TET2: variants seen among roughly 807,000 people sequenced by gnomAD.
The protein encoded by TET2 is methylcytosine dioxygenase TET2.
In TET2, 299 loss-of-function variants were observed where a neutral mutation model predicts 142.9. The ratio of observed to expected loss-of-function variants is 2.09; its 90% CI spans 1.90 to 2.30. The LOEUF (loss-of-function observed/expected upper bound fraction) is 2.30, where lower values mean the gene tolerates loss of function less well. Among genes scored for constraint, TET2 ranks in the 30% most tolerant of loss-of-function variants. TET2 has a pLI of 0.00. For missense variants in TET2, 2,418 were observed against 2,378.0 expected (o/e 1.02, Z -0.35); for synonymous variants, 819 against 849.0 (o/e 0.96, Z 0.61).
chr4:105,170,748 G>A (rs1023119380), intron 1 of TET2, among the ~76,000 whole-genome samples: 1 of 152,166 alleles, frequency 6.6e-6, no homozygotes, highest in African/African-American at 2.4e-5. Flanking sequence ...ACTCTTTTCC[G>A]ATGCTAGTGT....
At chr4:105,185,362 C>G (rs573953977) in intron 1 of TET2, among the ~76,000 whole-genome samples, 1 of 152,336 alleles carries the variant, frequency 6.6e-6, no homozygotes, top group South Asian at 2.1e-4. Flanking sequence ...CTAAGGTAAA[C>G]AACTGATAGT....
At chr4:105,193,411 G>T (rs943722468) in intron 2 of TET2, among the ~76,000 whole-genome samples, 3 of 152,174 alleles carry the variant, frequency 2.0e-5, no homozygotes, top group Admixed American at 6.6e-5. Context: ...TCAAGCTAAA[G>T]ATTATTGCAT....
chr4:105,222,152 G>A (rs1395639468), intron 2 of TET2, among the ~76,000 whole-genome samples: 1 of 151,954 alleles, frequency 6.6e-6, no homozygotes, highest in Non-Finnish European at 1.5e-5. Context: ...CTTTGCTATT[G>A]TGAATAGTGC....
Position 105,275,740 on chromosome 4 carries a change from C to A in TET2, c.5230C>A (p.Leu1744Met), listed in dbSNP as rs981972552. The change falls in exon 11 of 11, where the codon CTG becomes ATG. Residue 1744 changes from leucine to methionine, a missense_variant. Leu to Met is a conservative substitution (Grantham distance 15). Coordinates refer to ENST00000380013, the MANE Select transcript of TET2 (RefSeq NM_001127208.3). Reference protein sequence around the residue: ...MGATSRLPPNLSNPNMDYKNG... With the variant: ...MGATSRLPPNMSNPNMDYKNG... ...AGCCACCTCTAGATTACCACCCAATCTGAGCAATCCAAACATGGACTATAA... is the reference window on the plus strand; with the variant it reads ...AGCCACCTCTAGATTACCACCCAATATGAGCAATCCAAACATGGACTATAA... 1.9e-6 allele frequency: 3 copies of A among 1,551,666 alleles called. No individual in the cohort carries two copies. Among genetic ancestry groups the A allele is most frequent in the African/African-American group, 2.7e-5 (2 of 73,030 alleles).
Position 105,237,081 on chromosome 4 carries a change from AC to A in TET2, c.3140del (p.Thr1047IlefsTer8). ...GTCGTTATTTGACCATAAGGCTCTTACTCTCAAATCACAGAAGCAAGTAAAA... is the reference window on the plus strand; with the variant it reads ...GTCGTTATTTGACCATAAGGCTCTTATCTCAAATCACAGAAGCAAGTAAAA... ...AKSLFDHKAL[T>X]LKSQKQVKVE... On this transcript the variant is annotated frameshift_variant, in exon 3 of 11. Coordinates refer to ENST00000380013, the MANE Select transcript of TET2 (RefSeq NM_001127208.3). LOFTEE classifies it high-confidence loss of function. The A allele has an allele frequency of 1.2e-6, 2 of 1,614,120 alleles. No individual in the cohort carries two copies.
chr4:105,275,386 A>G lies in TET2; in HGVS notation c.4876A>G (p.Thr1626Ala). 1.9e-6 allele frequency: 3 copies of G among 1,551,650 alleles called. No individual in the cohort carries two copies. The highest frequency in any genetic ancestry group is 2.6e-6 in the Non-Finnish European group (3 of 1,146,976). The change falls in exon 11 of 11, where the codon ACC (threonine) becomes GCC (alanine). Residue 1626 changes from threonine to alanine, a missense_variant. Transcript: ENST00000380013. The stretch of plus-strand genomic sequence containing the variant: ...TTACCCTGGGCTTTTGAATCAGAAT[A>G]CCCAATATCCATCATATCAATGCAA... ...NPYPGLLNQN[T>A]QYPSYQCNGN... is the part of the protein sequence containing the mutation.
intron 10 of TET2, among the ~76,000 whole-genome samples, chr4:105,273,519 TATAGCAAA>T (rs1228297131): frequency 2.6e-4 from 40 of 152,254 alleles, no homozygotes; most frequent in African/African-American, 9.6e-4. Context: ...GTAGCAAAGA[TATAGCAAA>T]ATGATGCAAA....
chr4:105,201,564 G>A (rs1004482189), intron 2 of TET2, among the ~76,000 whole-genome samples: 1 of 151,998 alleles, frequency 6.6e-6, no homozygotes, highest in African/African-American at 2.4e-5. Flanking sequence ...ATTTGTGAGA[G>A]TTGTGTTTTT....
At chr4:105,192,284 C>T (rs1309987006) in intron 2 of TET2, among the ~76,000 whole-genome samples, 1 of 151,822 alleles carries the variant, frequency 6.6e-6, no homozygotes, top group Non-Finnish European at 1.5e-5. Flanking sequence ...AGGAGTTCTT[C>T]CCTCATATCT....
intron 2 of TET2, among the ~76,000 whole-genome samples, chr4:105,223,049 G>A (rs777959236): frequency 6.6e-6 from 1 of 151,980 alleles, no homozygotes; most frequent in Non-Finnish European, 1.5e-5. Flanking sequence ...TATTTCTGAG[G>A]GCTCTGTTCT....
intron 8 of TET2, among the ~76,000 whole-genome samples, chr4:105,265,962 C>A (rs1730662585): frequency 6.6e-6 from 1 of 152,110 alleles, no homozygotes; most frequent in African/African-American, 2.4e-5. Flanking sequence ...TTTGGAGAGG[C>A]CAAGGTGACG....
At chr4:105,272,954 TTG>T in intron 10 of TET2, 36 bp downstream of exon 10, 1 of 1,445,446 alleles carries the variant, frequency 6.9e-7, no homozygotes, top group South Asian at 1.4e-5. Context: ...GATAAATGTG[TTG>T]TGTGGTATAT....
chr4:105,156,068 C>G (rs1723552619), intron 1 of TET2, among the ~76,000 whole-genome samples: 1 of 152,194 alleles, frequency 6.6e-6, no homozygotes, highest in Non-Finnish European at 1.5e-5. Context: ...TGAACCACCT[C>G]AGCTGACTAT....
chr4:105,236,838 C>T lies in TET2; in HGVS notation c.2896C>T (p.Gln966Ter). The change falls in exon 3 of 11, where the codon CAG becomes TAG. Residue 966 changes from glutamine to a stop codon, truncating the protein, a stop_gained. Coordinates refer to ENST00000380013, the MANE Select transcript of TET2 (RefSeq NM_001127208.3). LOFTEE classifies it high-confidence loss of function. ...LLQKQEQQQT[Q>*]QPQTESCHSQ... The stretch of plus-strand genomic sequence containing the variant: ...ACAGAAGCAAGAACAGCAGCAAACA[C>T]AGCAACCCCAAACTGAGTCTTGCCA... 6.2e-7 allele frequency: 1 copy of T among 1,614,124 alleles called. No homozygotes were observed. The highest frequency in any genetic ancestry group is 8.5e-7 in the Non-Finnish European group (1 of 1,180,004).
chr4:105,269,330 A>G (rs531978151), intron 8 of TET2, among the ~76,000 whole-genome samples: 16 of 152,174 alleles, frequency 1.1e-4, no homozygotes, highest in Non-Finnish European at 2.2e-4. Flanking sequence ...CAGGGGCATG[A>G]GGAAATTTTT....
chr4:105,156,633 A>G (rs185763160), intron 1 of TET2, among the ~76,000 whole-genome samples: 29 of 152,310 alleles, frequency 1.9e-4, no homozygotes, highest in Middle Eastern at 3.4e-3. Flanking sequence ...TTCTCCTGAA[A>G]TAGATGATGC....
At chr4:105,183,743 G>C (rs1231622157) in intron 1 of TET2, among the ~76,000 whole-genome samples, 1 of 152,088 alleles carries the variant, frequency 6.6e-6, no homozygotes, top group Non-Finnish European at 1.5e-5. Context: ...GCTCCCAATA[G>C]AATTATTGCC....
intron 3 of TET2, chr4:105,238,625 A>G (rs149873416): frequency 6.0e-4 from 146 of 244,308 alleles, no homozygotes; most frequent in African/African-American, 3.0e-3. Context: ...ACTCAGCCCC[A>G]TCTTCAGGCT....
In TET2 at chr4:105,185,080, A is replaced by C. The variant is rs535488736; in HGVS notation, c.-192-5280A>C. Among the ~76,000 whole-genome samples, 5 of 152,348 alleles carry C rather than the reference A, an allele frequency of 3.3e-5. No homozygotes were observed. The South Asian group carries it at 1.0e-3, about 32-fold the overall frequency. On this transcript the variant is annotated intron_variant, in intron 1 of 10. Coordinates refer to ENST00000380013, the MANE Select transcript of TET2 (RefSeq NM_001127208.3). ...ATCTCTTGAAAGGAAAATGCATTTA[A>C]ACCCCAAATGGAGGATTCTTATATA... is the stretch of plus-strand genomic sequence containing the variant.
Sources: gnomAD v4.1 joint callset for allele counts (sites outside exome capture counted in the v4.1 genomes callset) on GRCh38, gnomAD v4.1.1 for gene constraint, MANE v1.5 for transcripts, NCBI Gene and HGNC (gene_info 2026-07-23, HGNC 2026-07-21) for gene names.